DCC: variants seen among roughly 807,000 people sequenced by gnomAD.
The protein encoded by DCC is netrin receptor DCC.
DCC carries 58 observed loss-of-function variants against 172.5 expected under a neutral mutation model. That is an observed-to-expected ratio of 0.34 (90% CI 0.27 to 0.42). DCC has a LOEUF of 0.42. DCC is among the 10% of genes least tolerant of loss of function. The pLI is 1.00. For synonymous variants in DCC, 709 were observed against 644.5 expected, an observed-to-expected ratio of 1.10 and a Z score of -1.52; for missense variants, 1,740 against 1,791.0, an observed-to-expected ratio of 0.97 and a Z score of 0.51.
chr18:52,477,043 C>G (rs1256399164), intron 1 of DCC, among the ~76,000 whole-genome samples: 2 of 152,108 alleles, frequency 1.3e-5, no homozygotes, highest in Non-Finnish European at 2.9e-5. Flanking sequence ...AAACCAGAAC[C>G]AGGCATTTGT....
At chr18:53,431,403 C>T (rs1911601675) in intron 21 of DCC, among the ~76,000 whole-genome samples, 1 of 151,696 alleles carries the variant, frequency 6.6e-6, no homozygotes, top group Non-Finnish European at 1.5e-5. Context: ...AATATGGGTA[C>T]ATAGTAATCC....
intron 7 of DCC, among the ~76,000 whole-genome samples, chr18:53,111,443 AT>A (rs2043330632): frequency 6.7e-6 from 1 of 149,190 alleles, no homozygotes; most frequent in African/African-American, 2.5e-5. Flanking sequence ...AGAAAGAAAG[AT>A]TAAAAAAAAA....
At chr18:52,633,897 C>G (rs1265298938) in intron 1 of DCC, among the ~76,000 whole-genome samples, 2 of 152,212 alleles carry the variant, frequency 1.3e-5, no homozygotes, top group Non-Finnish European at 2.9e-5. Context: ...TGCTGTAACG[C>G]TAGCACAGCC....
intron 5 of DCC, among the ~76,000 whole-genome samples, chr18:53,027,740 A>G (rs1420926151): frequency 2.0e-5 from 3 of 151,648 alleles, no homozygotes; most frequent in African/African-American, 7.3e-5. Flanking sequence ...CCTCACTTCC[A>G]GCCTCCAACT....
rs773558979 is a variant in DCC at position 53,128,864 on chromosome 18, CACACACATATATATATATATATAT to C, written c.1262-28490_1262-28467del. 5.5e-3 allele frequency among the ~76,000 whole-genome samples: 400 copies of C among 72,078 alleles called. 2 individuals are homozygous for C. Among genetic ancestry groups the C allele is most frequent in the African/African-American group, 0.018 (266 of 14,654 alleles). 47.3% of individuals were successfully genotyped at this position (72,078 alleles called of 152,430 possible). A position where few individuals can be genotyped will look rare whatever the true frequency, so the allele number is the denominator to read the frequency against. On this transcript the variant is annotated intron_variant, in intron 7 of 28. Coordinates refer to ENST00000442544, the MANE Select transcript of DCC (RefSeq NM_005215.4). ...ACACACACACACACACACACACACACACACACATATATATATATATATATATATATATATATATATTATTTGGAG... is the reference window on the plus strand; with the variant it reads ...ACACACACACACACACACACACACACATATATATATATATATTATTTGGAG...
At chr18:52,612,228 G>A (rs898773382) in intron 1 of DCC, among the ~76,000 whole-genome samples, 1 of 152,132 alleles carries the variant, frequency 6.6e-6, no homozygotes, top group African/African-American at 2.4e-5. Flanking sequence ...TCAGTCAGGT[G>A]ATGCCACCCT....
intron 12 of DCC, among the ~76,000 whole-genome samples, chr18:53,289,961 A>G (rs1469235110): frequency 6.6e-6 from 1 of 152,198 alleles, no homozygotes; most frequent in East Asian, 1.9e-4. Flanking sequence ...GGGAATGAAA[A>G]TCTGAGCAAA....
At chr18:52,707,334 T>C (rs1413785503) in intron 1 of DCC, among the ~76,000 whole-genome samples, 1 of 152,246 alleles carries the variant, frequency 6.6e-6, no homozygotes, top group Non-Finnish European at 1.5e-5. Context: ...TTTTTCATTA[T>C]ACCTTTCTAA....
At chr18:52,537,615 GCCAGCTTGTCTCA>G (rs761374856) in intron 1 of DCC, among the ~76,000 whole-genome samples, 33 of 151,940 alleles carry the variant, frequency 2.2e-4, no homozygotes, top group Non-Finnish European at 3.8e-4. Flanking sequence ...ACCTCCTATA[GCCAGCTTGTCTCA>G]CCAACTATTA....
At chr18:53,043,828 GATAA>G (rs2042201552) in intron 5 of DCC, among the ~76,000 whole-genome samples, 1 of 151,762 alleles carries the variant, frequency 6.6e-6, no homozygotes, top group South Asian at 2.1e-4. Flanking sequence ...TAATTCTGTG[GATAA>G]ATAAAAACCT....
chr18:52,743,384 C>A (rs1463018587), intron 1 of DCC, among the ~76,000 whole-genome samples: 2 of 152,166 alleles, frequency 1.3e-5, no homozygotes, highest in Non-Finnish European at 2.9e-5. Flanking sequence ...ATCAAAGTTT[C>A]TCTTTTTAGT....
intron 1 of DCC, among the ~76,000 whole-genome samples, chr18:52,666,043 C>T (rs964288969): frequency 6.6e-6 from 1 of 152,160 alleles, no homozygotes; most frequent in African/African-American, 2.4e-5. Flanking sequence ...CATGCCTGTA[C>T]TTTGAGAGAC....
intron 12 of DCC, among the ~76,000 whole-genome samples, chr18:53,255,362 C>T (rs1222976353): frequency 1.0e-5 from 1 of 98,734 alleles, no homozygotes; most frequent in African/African-American, 4.0e-5. Flanking sequence ...CTATCCCTCC[C>T]CCCTCCCCCC....
intron 1 of DCC, among the ~76,000 whole-genome samples, chr18:52,510,047 T>C (rs899287966): frequency 2.6e-5 from 4 of 151,128 alleles, no homozygotes; most frequent in Non-Finnish European, 5.9e-5. Flanking sequence ...GAGGTTACGG[T>C]GAGCTGAGAT....
chr18:53,210,829 T>C (rs2144566502), intron 11 of DCC, among the ~76,000 whole-genome samples: 1 of 152,314 alleles, frequency 6.6e-6, no homozygotes, highest in Non-Finnish European at 1.5e-5. Flanking sequence ...ACTGGGATGC[T>C]TGTAAAGATC....
intron 2 of DCC, among the ~76,000 whole-genome samples, chr18:52,768,398 A>G (rs1390270340): frequency 1.3e-5 from 2 of 152,186 alleles, no homozygotes; most frequent in East Asian, 1.9e-4. Context: ...GGAAGAATCT[A>G]CAGATGTGGT....
chr18:53,444,518 GA>G (rs1421681214), intron 22 of DCC, among the ~76,000 whole-genome samples: 1 of 152,072 alleles, frequency 6.6e-6, no homozygotes, highest in Admixed American at 6.6e-5. Flanking sequence ...AAAGAAAAAA[GA>G]GAGATTGCCA....
At chr18:52,746,081 G>A (rs79749297) in intron 1 of DCC, among the ~76,000 whole-genome samples, 2,002 of 152,290 alleles carry the variant, frequency 0.013, 34 homozygotes, top group African/African-American at 0.045. Context: ...AGTTGTACAT[G>A]TAATTGATAT....
At chr18:53,048,606 TAAA>T (rs1257547670) in intron 5 of DCC, among the ~76,000 whole-genome samples, 1 of 151,032 alleles carries the variant, frequency 6.6e-6, no homozygotes, top group East Asian at 1.9e-4. Flanking sequence ...CATACATGTA[TAAA>T]AAATGTGATA....
Sources: gnomAD v4.1 joint callset for allele counts (sites outside exome capture counted in the v4.1 genomes callset) on GRCh38, gnomAD v4.1.1 for gene constraint, MANE v1.5 for transcripts, NCBI Gene and HGNC (gene_info 2026-07-23, HGNC 2026-07-21) for gene names.